PTPRN2: variants seen among roughly 807,000 people sequenced by gnomAD.
The protein encoded by PTPRN2 is protein tyrosine phosphatase receptor type N2.
In PTPRN2, 74 loss-of-function variants were observed where a neutral mutation model predicts 118.8. That is an observed-to-expected ratio of 0.62 (90% CI 0.52 to 0.76). The LOEUF is 0.76. Among genes scored for constraint, PTPRN2 ranks in the 30% least tolerant of loss-of-function variants. PTPRN2 has a pLI of 0.00. For synonymous variants in PTPRN2, 641 were observed against 608.0 expected (o/e 1.05, Z -0.80); for missense variants, 1,481 against 1,394.4 (o/e 1.06, Z -0.99).
chr7:158,044,742 G>A lies in PTPRN2; in HGVS notation c.1723+36556C>T, dbSNP rs149851729. Among the ~76,000 whole-genome samples the A allele has an allele frequency of 2.9e-3, 439 of 152,292 alleles. 9 individuals are homozygous for A. The highest frequency in any genetic ancestry group is 0.02 in the Admixed American group (303 of 15,300). ...CAGAAACAGTGTCCAGGGCTCAAGT[G>A]GCCCAGGTTAACATCTTCTCTGCTA... On this transcript the variant is annotated intron_variant, in intron 11 of 22. Coordinates refer to ENST00000389418, the MANE Select transcript of PTPRN2 (RefSeq NM_002847.5).
intron 2 of PTPRN2, among the ~76,000 whole-genome samples, chr7:158,324,202 C>A (rs1803286471): frequency 6.6e-6 from 1 of 152,170 alleles, no homozygotes; most frequent in Non-Finnish European, 1.5e-5. Context: ...TACCGCCCTG[C>A]AGGACCACCC....
intron 16 of PTPRN2, among the ~76,000 whole-genome samples, chr7:157,601,611 C>T (rs527254138): frequency 1.3e-5 from 2 of 152,228 alleles, no homozygotes; most frequent in African/African-American, 2.4e-5. Flanking sequence ...ACACACACCC[C>T]CTCTGGTTCC....
intron 2 of PTPRN2, among the ~76,000 whole-genome samples, chr7:158,383,057 T>C (rs891202431): frequency 6.6e-6 from 1 of 152,072 alleles, no homozygotes; most frequent in East Asian, 1.9e-4. Context: ...TCCGTCAGTA[T>C]CCCACAGTAC....
chr7:158,362,757 A>T (rs1809095488), intron 2 of PTPRN2, among the ~76,000 whole-genome samples: 2 of 152,294 alleles, frequency 1.3e-5, no homozygotes, highest in South Asian at 4.1e-4. Context: ...AGTCCAGATG[A>T]GAGGTAGTGG....
rs111162898 is a variant in PTPRN2, at chr7:157,772,021, C to T, written c.1789-89084G>A. 1.6e-3 allele frequency among the ~76,000 whole-genome samples: 248 copies of T among 151,330 alleles called. 1 individual carries two copies. The highest frequency in any genetic ancestry group is 5.4e-3 in the African/African-American group (223 of 41,200). On this transcript the variant is annotated intron_variant, in intron 12 of 22. Coordinates refer to ENST00000389418, the MANE Select transcript of PTPRN2 (RefSeq NM_002847.5). ...ACACACAGATACATACACAGACACA[C>T]GCACACACAGATGCACAGACACCCA...
In PTPRN2 at chr7:158,517,841, C is replaced by A. The variant is rs930013615; in HGVS notation, c.113-28056G>T. On this transcript the variant is annotated intron_variant, in intron 1 of 22. Transcript: ENST00000389418. This position sits in a 1 kb window ranked among gnomAD's most constrained non-coding sequence, Gnocchi z 5.3. ...TCCCCTTCGTCACACATCCCACACA[C>A]CCCGGTTTGTTCCCACCAGGCCTTC... 2.6e-5 allele frequency among the ~76,000 whole-genome samples: 4 copies of A among 152,202 alleles called. No homozygotes were observed. Among genetic ancestry groups the A allele is most frequent in the Non-Finnish European group, 4.4e-5 (3 of 68,040 alleles).
intron 2 of PTPRN2, among the ~76,000 whole-genome samples, chr7:158,339,259 T>A (rs376619987): frequency 7.3e-4 from 4 of 5,512 alleles, no homozygotes; most frequent in East Asian, 4.8e-3. Context: ...CACCTGCAGA[T>A]GTCACTCACA....
intron 1 of PTPRN2, among the ~76,000 whole-genome samples, chr7:158,495,365 G>A (rs1032963040): frequency 6.6e-6 from 1 of 152,194 alleles, no homozygotes; most frequent in African/African-American, 2.4e-5. Context: ...TCTGGAGAGA[G>A]AGCAGGGTGC....
intron 4 of PTPRN2, among the ~76,000 whole-genome samples, chr7:158,195,749 C>A (rs1311767475): frequency 2.0e-5 from 3 of 152,148 alleles, no homozygotes; most frequent in African/African-American, 7.2e-5. Context: ...TTTCCTGTCT[C>A]CTACTTATTG....
At chr7:158,055,526 G>A (rs931430967) in intron 11 of PTPRN2, among the ~76,000 whole-genome samples, 3 of 152,214 alleles carry the variant, frequency 2.0e-5, no homozygotes, top group African/African-American at 7.2e-5. Context: ...CTGTGATGCT[G>A]TGCTTCAGTG....
intron 21 of PTPRN2, among the ~76,000 whole-genome samples, chr7:157,567,534 T>C (rs1160531213): frequency 6.6e-6 from 1 of 151,712 alleles, no homozygotes; most frequent in East Asian, 1.9e-4. Context: ...CATATTTATG[T>C]CTTTTTTTTT....
intron 10 of PTPRN2, among the ~76,000 whole-genome samples, chr7:158,110,109 G>A (rs566173710): frequency 3.3e-5 from 5 of 152,300 alleles, no homozygotes; most frequent in East Asian, 1.9e-4. Context: ...CACACAGCCC[G>A]GGCCGGCCTC....
intron 11 of PTPRN2, among the ~76,000 whole-genome samples, chr7:158,048,069 C>T (rs1157843038): frequency 1.3e-5 from 2 of 152,124 alleles, no homozygotes; most frequent in Non-Finnish European, 2.9e-5. Flanking sequence ...ATGGTGCATA[C>T]ACACTTTCTT....
intron 11 of PTPRN2, among the ~76,000 whole-genome samples, chr7:158,080,885 T>C (rs549748748): frequency 6.6e-6 from 1 of 152,344 alleles, no homozygotes; most frequent in East Asian, 1.9e-4. Flanking sequence ...TGTGTGCTCC[T>C]GGTCTGGTAC....
At chr7:157,824,627 C>T (rs899608180) in intron 12 of PTPRN2, among the ~76,000 whole-genome samples, 18 of 152,156 alleles carry the variant, frequency 1.2e-4, no homozygotes, top group African/African-American at 2.9e-4. Context: ...TGCCCCATTC[C>T]GGAGGGACAT....
At position 158,152,178 on chromosome 7, in the gene PTPRN2, A is replaced by AAAAAAC. The variant is rs1316222122; in HGVS notation, c.911-13664_911-13663insGTTTTT. Among the ~76,000 whole-genome samples the AAAAAAC allele has an allele frequency of 1.2e-3, 181 of 150,240 alleles. 5 individuals are homozygous for AAAAAAC. Among genetic ancestry groups the AAAAAAC allele is most frequent in the East Asian group, 2.1e-3 (11 of 5,156 alleles). On this transcript the variant is annotated intron_variant, in intron 6 of 22. Transcript: ENST00000389418. ...GAAAGAGTGAGACTCTGTCTCAAAA[A>AAAAAAC]AAAAAAAAAAAAACCATGAATGCAC...
chr7:158,165,705 G>A (rs962010310), intron 6 of PTPRN2, among the ~76,000 whole-genome samples: 9 of 152,214 alleles, frequency 5.9e-5, no homozygotes, highest in Non-Finnish European at 1.0e-4. Context: ...ATCTCCAAAA[G>A]GGAAGTCATG....
intron 21 of PTPRN2, among the ~76,000 whole-genome samples, chr7:157,556,447 A>G (rs1004072321): frequency 6.7e-6 from 1 of 150,350 alleles, no homozygotes; most frequent in Non-Finnish European, 1.5e-5. Flanking sequence ...GCATGCACAC[A>G]TCACACAACA....
Position 157,787,968 on chromosome 7 carries a change from G to A in PTPRN2, c.1789-105031C>T, listed in dbSNP as rs1319890488. Among the ~76,000 whole-genome samples the A allele has an allele frequency of 6.6e-6, 1 of 152,168 alleles. No homozygotes were observed. The highest frequency in any genetic ancestry group is 1.5e-5 in the Non-Finnish European group (1 of 68,018). On this transcript the variant is annotated intron_variant, in intron 12 of 22. Coordinates refer to ENST00000389418, the MANE Select transcript of PTPRN2 (RefSeq NM_002847.5). This position sits in a 1 kb window ranked among gnomAD's most constrained non-coding sequence, Gnocchi z 5.3. ...ATGGGGAGCCAGCACCGGGTCCCCT[G>A]GGAACCACGCAGCCGGGGCCTGGAG...
Sources: allele counts gnomAD v4.1 joint callset (sites outside exome capture counted in the v4.1 genomes callset), GRCh38; gene constraint gnomAD v4.1.1; non-coding constraint Gnocchi (gnomAD v3.1); transcripts MANE v1.5; gene names NCBI Gene and HGNC (gene_info 2026-07-23, HGNC 2026-07-21).